The following SMYD3 variants were observed in gnomAD, a reference collection of about 807,000 sequenced individuals.
SMYD3 encodes the protein histone-lysine N-methyltransferase SMYD3.
In SMYD3, 36 loss-of-function variants were observed where a neutral mutation model predicts 57.7. That is an observed-to-expected ratio of 0.62 (90% CI 0.48 to 0.82). SMYD3 has a LOEUF of 0.82. Ranked by LOEUF, SMYD3 falls within the 40% of genes least tolerant of loss-of-function variation. The pLI, the probability that SMYD3 is intolerant of heterozygous loss-of-function variation, is 0.00. For synonymous variants in SMYD3, 211 were observed against 195.0 expected (o/e 1.08, Z -0.68); for missense variants, 515 against 538.8 (o/e 0.96, Z 0.44).
At chr1:246,470,862 T>A (rs1490160537) in intron 1 of SMYD3, among the ~76,000 whole-genome samples, 4 of 152,164 alleles carry the variant, frequency 2.6e-5, no homozygotes, top group Non-Finnish European at 5.9e-5. Context: ...TGACTAAGTG[T>A]AGAATGGTTA....
At chr1:246,063,458 G>C (rs2060287147) in intron 5 of SMYD3, among the ~76,000 whole-genome samples, 1 of 152,078 alleles carries the variant, frequency 6.6e-6, no homozygotes, top group African/African-American at 2.4e-5. Context: ...TACCAGATAA[G>C]GGGGAAACAC....
In SMYD3 at chr1:246,236,223, T is replaced by C. The variant is rs985128938; in HGVS notation, c.531+90978A>G. ...ATAAGTATACATTTAATTATTTATTTATGGATAAATGAATGAATGAAATGA... is the reference window on the plus strand; with the variant it reads ...ATAAGTATACATTTAATTATTTATTCATGGATAAATGAATGAATGAAATGA... On this transcript the variant is annotated intron_variant, in intron 5 of 11. Transcript: ENST00000490107. 7.4e-4 allele frequency among the ~76,000 whole-genome samples: 113 copies of C among 152,198 alleles called. 1 individual carries two copies. Among genetic ancestry groups the C allele is most frequent in the African/African-American group, 2.6e-3 (108 of 41,540 alleles).
intron 1 of SMYD3, among the ~76,000 whole-genome samples, chr1:246,363,270 G>A (rs2066034654): frequency 6.6e-6 from 1 of 151,528 alleles, no homozygotes; most frequent in South Asian, 2.1e-4. Flanking sequence ...CCCCCGCCAG[G>A]CCAGCCGCCC....
chr1:246,140,381 C>T (rs776460663), intron 5 of SMYD3, among the ~76,000 whole-genome samples: 2 of 152,184 alleles, frequency 1.3e-5, no homozygotes, highest in Non-Finnish European at 2.9e-5. Context: ...AAATGAAAGA[C>T]TTACACTTTC....
At chr1:245,934,309 A>T (rs910949963) in intron 5 of SMYD3, among the ~76,000 whole-genome samples, 1 of 152,142 alleles carries the variant, frequency 6.6e-6, no homozygotes, top group Non-Finnish European at 1.5e-5. Context: ...ACACTACATA[A>T]CTGCCTCTGC....
chr1:245,793,158 A>C (rs1345708425), intron 10 of SMYD3, among the ~76,000 whole-genome samples: 5 of 148,676 alleles, frequency 3.4e-5, no homozygotes, highest in Non-Finnish European at 7.4e-5. Flanking sequence ...AAATACAAAA[A>C]ATGAGCCGGG....
intron 5 of SMYD3, among the ~76,000 whole-genome samples, chr1:246,063,856 T>A (rs1368648123): frequency 6.6e-6 from 1 of 152,090 alleles, no homozygotes; most frequent in African/African-American, 2.4e-5. Context: ...CCTACGCCAG[T>A]CTCGAACTCC....
intron 5 of SMYD3, among the ~76,000 whole-genome samples, chr1:246,080,904 A>C (rs544947725): frequency 7.2e-5 from 11 of 152,362 alleles, no homozygotes; most frequent in Middle Eastern, 6.8e-3. Flanking sequence ...AATGGACGAA[A>C]GAATCAAGGC....
At chr1:246,417,110 C>G (rs1320050299) in intron 1 of SMYD3, among the ~76,000 whole-genome samples, 1 of 152,122 alleles carries the variant, frequency 6.6e-6, no homozygotes, top group African/African-American at 2.4e-5. Context: ...CTTGTGGGTC[C>G]CATTCAGTTT....
At chr1:246,259,006 T>C (rs1022295103) in intron 5 of SMYD3, among the ~76,000 whole-genome samples, 3 of 152,234 alleles carry the variant, frequency 2.0e-5, no homozygotes, top group Admixed American at 6.5e-5. Flanking sequence ...GTCCAAACCA[T>C]TAATAAAACT....
chr1:246,344,008 T>C (rs1339610411), intron 2 of SMYD3, among the ~76,000 whole-genome samples: 1 of 152,192 alleles, frequency 6.6e-6, no homozygotes, highest in Non-Finnish European at 1.5e-5. Flanking sequence ...AAAACCACAG[T>C]TACGTATAAT....
At chr1:245,802,437 A>G (rs2047915592) in intron 10 of SMYD3, among the ~76,000 whole-genome samples, 1 of 152,228 alleles carries the variant, frequency 6.6e-6, no homozygotes, top group Admixed American at 6.5e-5. Flanking sequence ...GCTACTTGAT[A>G]TCAAGGTCAC....
chr1:246,464,165 T>C (rs1052983408), intron 1 of SMYD3, among the ~76,000 whole-genome samples: 1 of 152,060 alleles, frequency 6.6e-6, no homozygotes, highest in Admixed American at 6.6e-5. Context: ...AAAGACAATA[T>C]AGCATGTTTA....
chr1:246,440,279 T>A (rs1275338240), intron 1 of SMYD3, among the ~76,000 whole-genome samples: 2 of 152,234 alleles, frequency 1.3e-5, no homozygotes, highest in Non-Finnish European at 2.9e-5. Context: ...TTAATGTGAT[T>A]ATTTGCCCCA....
At chr1:245,774,642 C>T (rs2046469383) in intron 10 of SMYD3, among the ~76,000 whole-genome samples, 1 of 126,838 alleles carries the variant, frequency 7.9e-6, no homozygotes, top group Admixed American at 9.1e-5. Context: ...TCCCCACAGT[C>T]TCCCTCTCCC....
chr1:246,489,473 G>T (rs2068236587), intron 1 of SMYD3, among the ~76,000 whole-genome samples: 2 of 152,204 alleles, frequency 1.3e-5, no homozygotes, highest in Non-Finnish European at 2.9e-5. Flanking sequence ...CCTATTTTAT[G>T]AATGAGAAAA....
chr1:245,815,818 C>A (rs2048774464), intron 10 of SMYD3, among the ~76,000 whole-genome samples: 2 of 152,308 alleles, frequency 1.3e-5, no homozygotes, highest in South Asian at 4.2e-4. Context: ...AAATTACGGG[C>A]CTTTGAAGTG....
At chr1:246,496,881 T>C (rs921690255) in intron 1 of SMYD3, among the ~76,000 whole-genome samples, 6 of 152,170 alleles carry the variant, frequency 3.9e-5, no homozygotes. Context: ...TTTTAAATGT[T>C]TAAAACTAAA....
rs2068196456 is a variant in SMYD3, at chr1:246,486,895, T to C, written c.164+20159A>G. Among the ~76,000 whole-genome samples, 4 of 152,106 alleles carry C rather than the reference T, an allele frequency of 2.6e-5. No homozygotes were observed. In the South Asian group the frequency reaches 8.3e-4, roughly 31 times the overall value. On this transcript the variant is annotated intron_variant, in intron 1 of 11. Coordinates refer to ENST00000490107, the MANE Select transcript of SMYD3 (RefSeq NM_001167740.2). ...ACATTTAAAGAAAGGAGATAAGACT[T>C]AGAGGAGCATAACACTGTTCAAAAA...
Sources: allele counts gnomAD v4.1 joint callset (sites outside exome capture counted in the v4.1 genomes callset), GRCh38; gene constraint gnomAD v4.1.1; transcripts MANE v1.5; gene names NCBI Gene and HGNC (gene_info 2026-07-23, HGNC 2026-07-21).